Variants in PREX1 observed in about 807,000 individuals in gnomAD.
PREX1 encodes phosphatidylinositol 3,4,5-trisphosphate-dependent Rac exchanger 1 protein.
Under a neutral mutation model 198.3 loss-of-function variants are expected in PREX1, and 41 were observed. The observed-to-expected ratio is 0.21, with a 90% CI of 0.16 to 0.27. The LOEUF (loss-of-function observed/expected upper bound fraction) is 0.27. Ranked by LOEUF, PREX1 falls within the 10% of genes least tolerant of loss-of-function variation. PREX1 has a pLI of 1.00. For synonymous variants in PREX1, 843 were observed against 887.2 expected, an observed-to-expected ratio of 0.95 and a Z score of 0.89; for missense variants, 1,620 against 2,200.7, an observed-to-expected ratio of 0.74 and a Z score of 5.28.
At chr20:48,673,711 C>A (rs922088743) in intron 14 of PREX1, among the ~76,000 whole-genome samples, 2 of 152,106 alleles carry the variant, frequency 1.3e-5, no homozygotes. Flanking sequence ...CTGTTTGTTT[C>A]CTGGTCTTAC....
chr20:48,862,192 G>A, the PREX1 span, among the ~76,000 whole-genome samples: 2 of 152,076 alleles, frequency 1.3e-5, no homozygotes, highest in African/African-American at 4.8e-5. Context: ...CTGGGCGACA[G>A]AGCGAGACTC....
chr20:48,635,647 T>C (rs758996926), intron 32 of PREX1, among the ~76,000 whole-genome samples: 1 of 152,194 alleles, frequency 6.6e-6, no homozygotes, highest in African/African-American at 2.4e-5. Context: ...ACAGGCTGTC[T>C]CTGACAGAGA....
intron 4 of PREX1, among the ~76,000 whole-genome samples, chr20:48,732,630 C>T (rs1228188714): frequency 6.6e-6 from 1 of 152,156 alleles, no homozygotes; most frequent in Admixed American, 6.5e-5. Flanking sequence ...GTGAAGTCAT[C>T]AAAATCACCT....
the PREX1 span, among the ~76,000 whole-genome samples, chr20:48,875,497 G>A: frequency 6.6e-6 from 1 of 152,146 alleles, no homozygotes; most frequent in Admixed American, 6.6e-5. Flanking sequence ...CAGAAGAGTG[G>A]CTTCCTGGGC....
At chr20:48,731,342 C>T (rs1461054112) in intron 4 of PREX1, among the ~76,000 whole-genome samples, 1 of 152,212 alleles carries the variant, frequency 6.6e-6, no homozygotes, top group East Asian at 1.9e-4. Flanking sequence ...TCAAAACATC[C>T]TGTCACCCTT....
At chr20:48,679,310 C>T (rs1398100989) in intron 13 of PREX1, 50 bp downstream of exon 13, 6 of 1,549,128 alleles carry the variant, frequency 3.9e-6, no homozygotes, top group East Asian at 2.2e-5. Flanking sequence ...CAAGGCCACA[C>T]AGCTGAGAAG....
chr20:48,798,357 G>A (rs775432159), intron 1 of PREX1, among the ~76,000 whole-genome samples: 6 of 152,108 alleles, frequency 3.9e-5, no homozygotes, highest in Non-Finnish European at 2.9e-5. Flanking sequence ...CTGCTCCTAC[G>A]GTCCAGCCTC....
In PREX1 at chr20:48,707,098, G is replaced by A. The variant is rs912070520; in HGVS notation, c.783+1162C>T. On this transcript the variant is annotated intron_variant, in intron 6 of 39. Coordinates refer to ENST00000371941, the MANE Select transcript of PREX1 (RefSeq NM_020820.4). ...GGAAAGCCTAGGCCATGCATCTGAC[G>A]CACAGGAAGCTGGCGCCCGGGCCCT... Among the ~76,000 whole-genome samples, 9 of 152,316 alleles carry A rather than the reference G, an allele frequency of 5.9e-5. No homozygotes were observed. In the South Asian group the frequency reaches 6.2e-4, roughly 11 times the overall value.
chr20:48,858,600 T>C, the PREX1 span, among the ~76,000 whole-genome samples: 1 of 152,100 alleles, frequency 6.6e-6, no homozygotes, highest in Non-Finnish European at 1.5e-5. Flanking sequence ...GGGTGTAGGC[T>C]CCCAGAGGTC....
At chr20:48,820,282 C>T (rs558368829) in intron 1 of PREX1, among the ~76,000 whole-genome samples, 4 of 152,314 alleles carry the variant, frequency 2.6e-5, no homozygotes, top group East Asian at 1.9e-4. Flanking sequence ...GGGGTGAGCC[C>T]GCACACAGTC....
intron 1 of PREX1, among the ~76,000 whole-genome samples, chr20:48,754,703 T>TGGG (rs2090149244): frequency 9.1e-5 from 1 of 10,992 alleles, no homozygotes; most frequent in African/African-American, 3.9e-4. Flanking sequence ...AAGCGATGAG[T>TGGG]GGGGGTGGGT....
intron 13 of PREX1, among the ~76,000 whole-genome samples, chr20:48,676,828 T>C (rs2089712828): frequency 6.6e-6 from 1 of 152,188 alleles, no homozygotes; most frequent in South Asian, 2.1e-4. Flanking sequence ...TTGACATTGA[T>C]GTATTTAAAC....
intron 1 of PREX1, among the ~76,000 whole-genome samples, chr20:48,788,510 C>T (rs369068855): frequency 1.3e-5 from 2 of 152,272 alleles, no homozygotes; most frequent in African/African-American, 2.4e-5. Context: ...GCTCATCCCC[C>T]ACCTGAGGCA....
At chr20:48,644,518 G>T in intron 26 of PREX1, 21 bp from the exon 27 acceptor site, 1 of 1,607,756 alleles carries the variant, frequency 6.2e-7, no homozygotes, top group East Asian at 2.2e-5. Context: ...GCCCAGAGAA[G>T]GGGCTGAGTC....
intron 1 of PREX1, among the ~76,000 whole-genome samples, chr20:48,805,819 G>A (rs960385960): frequency 1.3e-5 from 2 of 152,190 alleles, no homozygotes; most frequent in Non-Finnish European, 2.9e-5. Flanking sequence ...CAGCTCCAGT[G>A]CCAACTGACA....
intron 7 of PREX1, among the ~76,000 whole-genome samples, chr20:48,694,988 T>A (rs939970292): frequency 6.6e-6 from 1 of 152,210 alleles, no homozygotes; most frequent in Admixed American, 6.5e-5. Flanking sequence ...TATAAACATA[T>A]ACATACATAT....
At chr20:48,640,311 C>T (rs1307003873) in intron 29 of PREX1, among the ~76,000 whole-genome samples, 1 of 152,196 alleles carries the variant, frequency 6.6e-6, no homozygotes, top group Non-Finnish European at 1.5e-5. Flanking sequence ...GAGGAGGAAG[C>T]CCACACACAG....
intron 1 of PREX1, among the ~76,000 whole-genome samples, chr20:48,766,303 G>C (rs2090207859): frequency 6.6e-6 from 1 of 152,098 alleles, no homozygotes; most frequent in Admixed American, 6.5e-5. Context: ...GGGGACCACT[G>C]GCCTAGATCA....
chr20:48,783,912 C>A (rs58984581), intron 1 of PREX1, among the ~76,000 whole-genome samples: 2,472 of 152,308 alleles, frequency 0.016, 67 homozygotes, highest in African/African-American at 0.057. Context: ...CCCTCCATGT[C>A]TTTATGGATC....
Sources: allele counts gnomAD v4.1 joint callset (sites outside exome capture counted in the v4.1 genomes callset), GRCh38; gene constraint gnomAD v4.1.1; transcripts MANE v1.5; gene names NCBI Gene and HGNC (gene_info 2026-07-23, HGNC 2026-07-21).